LRRC14B: variants seen among roughly 807,000 people sequenced by gnomAD.
The protein encoded by LRRC14B is leucine rich repeat containing 14B, also known as leucine-rich repeat-containing protein 14B.
Under a neutral mutation model 16.9 loss-of-function variants are expected in LRRC14B, and 23 were observed. That is an observed-to-expected ratio of 1.36 (90% confidence interval 0.98 to 1.92). LRRC14B has a LOEUF of 1.92. Ranked by LOEUF, LRRC14B falls within the 30% of genes most tolerant of loss-of-function variation. LRRC14B has a pLI of 0.00. For missense variants in LRRC14B, 766 were observed against 705.7 expected (o/e 1.09, Z -0.97); for synonymous variants, 358 against 332.5 (o/e 1.08, Z -0.83).
chr5:195,451 A>C lies in LRRC14B; in HGVS notation c.*98A>C, dbSNP rs534328977. The C allele has an allele frequency of 7.7e-5, 77 of 999,154 alleles. No individual in the cohort carries two copies. The African/African-American group carries it at 9.1e-4, about 12-fold the overall frequency. 61.9% of individuals were successfully genotyped at this position (999,154 alleles called of 1,614,324 possible). A position where few individuals can be genotyped will look rare whatever the true frequency, so the allele number is the denominator to read the frequency against. On this transcript the variant is annotated 3_prime_UTR_variant, in exon 2 of 2. Transcript: ENST00000328278. ...AGGCTTGGGCCCGGCATTCATCCCC[A>C]CCACCACCACCACCAAAAGCAGTTC...
chr5:194,808 G>A lies in LRRC14B; in HGVS notation c.1000G>A (p.Glu334Lys), dbSNP rs746145345. ...LADCAHAAHL[E>K]VLDLSGHNLV... is the part of the protein sequence containing the mutation. ...AGACTGTGCCCACGCTGCCCACCTGGAGGTGCTGGACCTCAGTGGACACAA... is the reference window on the plus strand; with the variant it reads ...AGACTGTGCCCACGCTGCCCACCTGAAGGTGCTGGACCTCAGTGGACACAA... The change falls in exon 2 of 2, where the codon GAG becomes AAG. Residue 334 changes from glutamate to lysine, a missense_variant. By Grantham distance (56) the Glu-to-Lys change is moderately conservative. Transcript: ENST00000328278. 2.5e-6 allele frequency: 4 copies of A among 1,608,228 alleles called. No homozygotes were observed. Among genetic ancestry groups the A allele is most frequent in the Non-Finnish European group, 3.4e-6 (4 of 1,177,396 alleles).
At position 191,611 on chromosome 5, in the gene LRRC14B, A is replaced by G. The variant is rs1463094116; in HGVS notation, c.73A>G (p.Ser25Gly). Residue 25 changes from serine to glycine, a missense_variant, in exon 1 of 2, where the codon AGC (serine) becomes GGC (glycine). Ser to Gly is a moderately conservative substitution (Grantham distance 56). Transcript: ENST00000328278. ...GTCCCACCCCCAGGTGGCCCGGCAG[A>G]GCCTGGACAGCGTGGCCCACAACCT... is the stretch of plus-strand genomic sequence containing the variant. ...LVSHPQVARQSLDSVAHNLYP... is the reference protein window; with the variant it reads ...LVSHPQVARQGLDSVAHNLYP... 2 of 1,611,688 alleles carry G rather than the reference A, an allele frequency of 1.2e-6. No homozygotes were observed. The highest frequency in any genetic ancestry group is 3.3e-5 in the Admixed American group (2 of 59,876).
In LRRC14B at chr5:194,697, G is replaced by T; in HGVS notation, c.900-11G>T. 1 of 1,586,064 alleles carries T rather than the reference G, an allele frequency of 6.3e-7. No homozygotes were observed. Among genetic ancestry groups the T allele is most frequent in the South Asian group, 1.2e-5 (1 of 85,626 alleles). ...TCCTCTCACCTGTGCTCTTTCCCCC[G>T]TGTCCTGCAGCCCCCTACAGACCCC... On this transcript the variant is annotated splice_polypyrimidine_tract_variant and intron_variant, in intron 1 of 1. Transcript: ENST00000328278.
In LRRC14B at chr5:195,021, C is replaced by A; in HGVS notation, c.1213C>A (p.Leu405Ile). ...FLGNPLSARA[L>I]RRLFTALCEL... ...CGGGAACCCGCTGTCGGCCCGCGCC[C>A]TCCGGCGCCTCTTCACCGCACTCTG... Residue 405 changes from leucine (L) to isoleucine (I), a missense_variant, in exon 2 of 2, where the codon CTC becomes ATC. Transcript: ENST00000328278. The A allele has an allele frequency of 6.2e-7, 1 of 1,613,214 alleles. No individual in the cohort carries two copies. Among genetic ancestry groups the A allele is most frequent in the Non-Finnish European group, 8.5e-7 (1 of 1,179,862 alleles).
Position 191,513 on chromosome 5 carries a change from C to T in LRRC14B, c.-26C>T, listed in dbSNP as rs763142815. ...GAAGGGCACACGCCTTGGGGAAAGT[C>T]GTGGGGAGCGGTCCTGTCTCGGGCC... On this transcript the variant is annotated 5_prime_UTR_variant, in exon 1 of 2. Transcript: ENST00000328278. 30 of 1,578,528 alleles carry T rather than the reference C, an allele frequency of 1.9e-5. No individual in the cohort carries two copies. Among genetic ancestry groups the T allele is most frequent in the Non-Finnish European group, 1.9e-5 (22 of 1,157,710 alleles).
intron 1 of LRRC14B, 147 bp downstream of exon 1, chr5:192,584 C>T: frequency 1.1e-6 from 1 of 874,578 alleles, no homozygotes; most frequent in Admixed American, 3.9e-5. Flanking sequence ...AGGACAGCGG[C>T]CCCGCCAAGG....
rs745390214 is a variant in LRRC14B, at chr5:191,562, C to A, written c.24C>A (p.Arg8=). The change falls in exon 1 of 2, where the codon CGC becomes CGA. Residue 8 remains arginine, a synonymous_variant. Transcript: ENST00000328278. ...CCATGGACACAATGAGGTCACTCCG[C>A]TTCATTTCTGCAGAAGCTCTGGTGT... The part of the protein sequence containing the change: MDTMRSL[R]FISAEALVSH... The A allele has an allele frequency of 1.2e-6, 2 of 1,612,244 alleles. No individual in the cohort carries two copies. Among genetic ancestry groups the A allele is most frequent in the Non-Finnish European group, 1.7e-6 (2 of 1,179,296 alleles).
chr5:192,459 G>A, intron 1 of LRRC14B, 22 bp downstream of exon 1: 1 of 1,494,512 alleles, frequency 6.7e-7, no homozygotes, highest in African/African-American at 1.4e-5. Flanking sequence ...GGAGGGGACT[G>A]AGGGCGGGCT....
Position 196,125 on chromosome 5 carries a change from C to T in LRRC14B, c.*772C>T, listed in dbSNP as rs961798952. 6.6e-6 allele frequency: 1 copy of T among 152,300 alleles called. No homozygotes were observed. Among genetic ancestry groups the T allele is most frequent in the Non-Finnish European group, 1.5e-5 (1 of 68,146 alleles). 9.4% of individuals were successfully genotyped at this position (152,300 alleles called of 1,614,324 possible). A position where few individuals can be genotyped will look rare whatever the true frequency, so the allele number is the denominator to read the frequency against. ...CGACCGCGCCACTGTTTCTCACCAA[C>T]ATTCACTGTGTCCTGCGGGGCTTGA... On this transcript the variant is annotated 3_prime_UTR_variant, in exon 2 of 2. Transcript: ENST00000328278.
chr5:192,570 C>A, intron 1 of LRRC14B, 133 bp downstream of exon 1: 1 of 983,878 alleles, frequency 1.0e-6, no homozygotes, highest in Non-Finnish European at 1.4e-6. Flanking sequence ...GTGGCCACAG[C>A]CACAGGACAG....
chr5:192,303 C>G lies in LRRC14B; in HGVS notation c.765C>G (p.Pro255=), dbSNP rs765285231. ...CCACCAAGGCCTTTGATGCACCCCC[C>G]ACCTACGCCTCCACTCCCGACGGCG... The part of the protein sequence containing the change: ...TLPTKAFDAP[P]TYASTPDGED... The change falls in exon 1 of 2, where the codon CCC becomes CCG. Residue 255 remains proline, a synonymous_variant. Transcript: ENST00000328278. The G allele has an allele frequency of 4.4e-6, 7 of 1,600,192 alleles. No individual in the cohort carries two copies. Among genetic ancestry groups the G allele is most frequent in the South Asian group, 3.4e-5 (3 of 88,456 alleles).
intron 1 of LRRC14B, among the ~76,000 whole-genome samples, chr5:193,485 A>C (rs1425554399): frequency 2.4e-5 from 2 of 83,306 alleles, no homozygotes; most frequent in Non-Finnish European, 4.6e-5. Context: ...TTTTGGGGAG[A>C]AGTGCCTGGC....
rs1733881365 is a variant in LRRC14B, at chr5:194,866, G to C, written c.1058G>C (p.Arg353Thr). The change falls in exon 2 of 2, where the codon AGG (arginine) becomes ACG (threonine). Residue 353 changes from arginine (R) to threonine (T), a missense_variant. Coordinates refer to ENST00000328278, the MANE Select transcript of LRRC14B (RefSeq NM_001080478.3). ...LVSLYPSTFF[R>T]LLSQASRTLR... is the part of the protein sequence containing the mutation. ...AGCCTGTACCCCTCGACCTTCTTCA[G>C]GCTGCTCAGCCAGGCTTCCCGGACG... 1 of 1,594,278 alleles carries C rather than the reference G, an allele frequency of 6.3e-7. No individual in the cohort carries two copies. The highest frequency in any genetic ancestry group is 8.5e-7 in the Non-Finnish European group (1 of 1,170,368).
At chr5:193,284 T>G (rs190468518) in intron 1 of LRRC14B, among the ~76,000 whole-genome samples, 2,777 of 86,390 alleles carry the variant, frequency 0.032, 48 homozygotes, top group Non-Finnish European at 0.045. Flanking sequence ...AACCTAGCGG[T>G]GGGTCCGGGG....
At chr5:194,597 G>C in intron 1 of LRRC14B, 111 bp from the exon 2 acceptor site, 2 of 999,454 alleles carry the variant, frequency 2.0e-6, no homozygotes, top group South Asian at 1.7e-5. Context: ...GGTTGGACGT[G>C]ACTGTGTGTT....
Position 191,733 on chromosome 5 carries a change from A to C in LRRC14B, c.195A>C (p.Gly65=). 2 of 1,569,190 alleles carry C rather than the reference A, an allele frequency of 1.3e-6. No individual in the cohort carries two copies. Among genetic ancestry groups the C allele is most frequent in the Non-Finnish European group, 1.7e-6 (2 of 1,158,492 alleles). ...GRWPLEEFRL[G]ALLGPGADHP... Reference sequence around the variant, plus strand: ...GGCCCCTGGAGGAGTTCCGGCTGGGAGCGCTGCTGGGTCCTGGTGCCGACC... The same window carrying C: ...GGCCCCTGGAGGAGTTCCGGCTGGGCGCGCTGCTGGGTCCTGGTGCCGACC... The change falls in exon 1 of 2, where the codon GGA becomes GGC. Residue 65 remains glycine (G), a synonymous_variant. Coordinates refer to ENST00000328278, the MANE Select transcript of LRRC14B (RefSeq NM_001080478.3).
chr5:191,634 C>A lies in LRRC14B; in HGVS notation c.96C>A (p.Asn32Lys), dbSNP rs1305935198. The A allele has an allele frequency of 1.1e-5, 17 of 1,610,328 alleles. No individual in the cohort carries two copies. Among genetic ancestry groups the A allele is most frequent in the Non-Finnish European group, 1.4e-5 (17 of 1,178,830 alleles). The change falls in exon 1 of 2, where the codon AAC becomes AAA. Residue 32 changes from asparagine to lysine, a missense_variant. Transcript: ENST00000328278. ...AGAGCCTGGACAGCGTGGCCCACAA[C>A]CTCTACCCACTCCTGTTCAAAGCCA... ...ARQSLDSVAH[N>K]LYPLLFKASY...
chr5:192,554 C>A lies in LRRC14B; in HGVS notation c.899+117C>A, dbSNP rs554120381. 1,564 of 1,099,046 alleles carry A rather than the reference C, an allele frequency of 1.4e-3. 9 individuals carry two copies. The highest frequency in any genetic ancestry group is 1.6e-3 in the Non-Finnish European group (1,333 of 833,860). 68.1% of individuals were successfully genotyped at this position (1,099,046 alleles called of 1,614,324 possible). On this transcript the variant is annotated intron_variant, in intron 1 of 1. Transcript: ENST00000328278. ...GCTACACGGCCTCCAGCCTCTCACT[C>A]CGGGTGTGGCCACAGCCACAGGACA...
At chr5:194,544 TAAC>T (rs1733875479) in intron 1 of LRRC14B, among the ~76,000 whole-genome samples, 161 bp from the exon 2 acceptor site, 2 of 152,232 alleles carry the variant, frequency 1.3e-5, no homozygotes, top group African/African-American at 2.4e-5. Flanking sequence ...TATATAAATA[TAAC>T]AACCACTCCT....
Sources: gnomAD v4.1 joint callset for allele counts (sites outside exome capture counted in the v4.1 genomes callset) on GRCh38, gnomAD v4.1.1 for gene constraint, MANE v1.5 for transcripts, NCBI Gene and HGNC (gene_info 2026-07-23, HGNC 2026-07-21) for gene names.